CYB5R1: variants seen among roughly 807,000 people sequenced by gnomAD.
CYB5R1 encodes the protein NADH-cytochrome b5 reductase 1.
A neutral mutation model predicts 37.4 loss-of-function variants in CYB5R1; 32 were observed. That is an observed-to-expected ratio of 0.86 (90% CI 0.65 to 1.15). The LOEUF is 1.15. CYB5R1 is among the 50% of genes most tolerant of loss of function. The pLI, the probability that CYB5R1 is intolerant of heterozygous loss-of-function variation, is 0.00. For synonymous variants in CYB5R1, 159 were observed against 155.2 expected (o/e 1.02, Z -0.18); for missense variants, 345 against 382.5 (o/e 0.90, Z 0.82).
In CYB5R1 at chr1:202,965,194, C is replaced by T. The variant is rs1049051991; in HGVS notation, c.475+177G>A. ...ATTCAAGTGGAGGAGGAACTGCTTCCTGTGGCAAATGGGGCTGAGAAACAT... is the reference window on the plus strand; with the variant it reads ...ATTCAAGTGGAGGAGGAACTGCTTCTTGTGGCAAATGGGGCTGAGAAACAT... On this transcript the variant is annotated intron_variant, in intron 5 of 8. Transcript: ENST00000367249. The T allele has an allele frequency of 1.4e-5, 10 of 698,754 alleles. No individual in the cohort carries two copies. The Admixed American group carries it at 2.0e-4, about 14-fold the overall frequency. 43.3% of individuals were successfully genotyped at this position (698,754 alleles called of 1,614,324 possible).
Position 202,964,611 on chromosome 1 carries a change from C to T in CYB5R1, c.559+1G>A. On this transcript the variant is annotated splice_donor_variant, in intron 6 of 8. Coordinates refer to ENST00000367249, the MANE Select transcript of CYB5R1 (RefSeq NM_016243.3). LOFTEE classifies it high-confidence loss of function. ...AGAGAAAGGCCCTCAGTGTAATGCA[C>T]CTGTCCCGCCGGCAATCATTCCCAG... The T allele has an allele frequency of 1.2e-6, 2 of 1,610,576 alleles. No homozygotes were observed. Among genetic ancestry groups the T allele is most frequent in the Non-Finnish European group, 1.7e-6 (2 of 1,177,216 alleles).
intron 6 of CYB5R1, chr1:202,964,238 T>C (rs1262918128): frequency 9.2e-6 from 2 of 217,930 alleles, no homozygotes; most frequent in Non-Finnish European, 1.8e-5. Flanking sequence ...ATGTGTCTAA[T>C]TTTTGTGTCT....
At position 202,967,222 on chromosome 1, in the gene CYB5R1, C is replaced by T; in HGVS notation, c.-17G>A. Reference sequence around the variant, plus strand: ...GATCCCCATGACGGAGCGCCTTTTCCTCCACCACCTGACAAGCCGACAGAT... The same window carrying T: ...GATCCCCATGACGGAGCGCCTTTTCTTCCACCACCTGACAAGCCGACAGAT... On this transcript the variant is annotated 5_prime_UTR_variant, in exon 1 of 9. Coordinates refer to ENST00000367249, the MANE Select transcript of CYB5R1 (RefSeq NM_016243.3). 2 of 1,610,930 alleles carry T rather than the reference C, an allele frequency of 1.2e-6. No individual in the cohort carries two copies.
In CYB5R1 at chr1:202,967,172, T is replaced by C; in HGVS notation, c.15+19A>G. 1 of 1,609,876 alleles carries C rather than the reference T, an allele frequency of 6.2e-7. No individual in the cohort carries two copies. The highest frequency in any genetic ancestry group is 8.5e-7 in the Non-Finnish European group (1 of 1,178,054). Reference sequence around the variant, plus strand: ...TGGGGAGGGGTCCCCCAGTGGAGGATACTGAATGAGGGTCTTACCGTCTGG... The same window carrying C: ...TGGGGAGGGGTCCCCCAGTGGAGGACACTGAATGAGGGTCTTACCGTCTGG... On this transcript the variant is annotated intron_variant, in intron 1 of 8. Transcript: ENST00000367249.
At chr1:202,964,950 T>C (rs1655057576) in intron 5 of CYB5R1, 1 of 525,696 alleles carries the variant, frequency 1.9e-6, no homozygotes, top group Non-Finnish European at 3.4e-6. Context: ...TGTCACTCCC[T>C]GGTGAAGGAG....
At position 202,967,197 on chromosome 1, in the gene CYB5R1, G is replaced by T; in HGVS notation, c.9C>A (p.Ile3=). 1 of 1,611,674 alleles carries T rather than the reference G, an allele frequency of 6.2e-7. No individual in the cohort carries two copies. The highest frequency in any genetic ancestry group is 1.1e-5 in the South Asian group (1 of 90,898). Residue 3 remains isoleucine, a synonymous_variant, in exon 1 of 9, where the codon ATC becomes ATA. Transcript: ENST00000367249. MG[I]QTSPVLLASL... is the part of the protein sequence containing the mutation. ...TACTGAATGAGGGTCTTACCGTCTG[G>T]ATCCCCATGACGGAGCGCCTTTTCC...
chr1:202,963,386 C>T (rs1655031814), intron 7 of CYB5R1: 2 of 593,478 alleles, frequency 3.4e-6, no homozygotes, highest in East Asian at 5.6e-5. Flanking sequence ...AATATTTAAC[C>T]AAGAAGATCT....
At chr1:202,962,832 G>A in intron 8 of CYB5R1, 133 bp from the exon 9 acceptor site, 1 of 1,163,266 alleles carries the variant, frequency 8.6e-7, no homozygotes. Context: ...CTGGGAATGG[G>A]TATACTCAGC....
At chr1:202,966,299 G>T (rs914515543) in intron 3 of CYB5R1, 3 of 608,128 alleles carry the variant, frequency 4.9e-6, no homozygotes, top group Non-Finnish European at 8.7e-6. Flanking sequence ...AGCAAATCCT[G>T]CAGGGAAGAG....
intron 3 of CYB5R1, 122 bp from the exon 4 acceptor site, chr1:202,966,115 A>G (rs1213965549): frequency 9.9e-6 from 7 of 707,796 alleles, no homozygotes; most frequent in South Asian, 3.5e-5. Context: ...AGGAGCTACA[A>G]GGCAGGGAAG....
At position 202,962,537 on chromosome 1, in the gene CYB5R1, AATCGCATCTTTTG is replaced by A; in HGVS notation, c.895_907del (p.Gln299SerfsTer56). On this transcript the variant is annotated frameshift_variant, in exon 9 of 9. Coordinates refer to ENST00000367249, the MANE Select transcript of CYB5R1 (RefSeq NM_016243.3). LOFTEE classifies it high-confidence loss of function. ...GAAGCTGGAGGATGCTCAGTAGGTG[AATCGCATCTTTTG>A]TGAGTAGCCCAGTTTGTCCAAGTTG... The A allele has an allele frequency of 6.2e-7, 1 of 1,609,452 alleles. No homozygotes were observed. The highest frequency in any genetic ancestry group is 8.5e-7 in the Non-Finnish European group (1 of 1,177,404).
Position 202,962,521 on chromosome 1 carries a change from G to A in CYB5R1, c.*6C>T, listed in dbSNP as rs1368503998. The A allele has an allele frequency of 1.9e-6, 3 of 1,599,748 alleles. No homozygotes were observed. The highest frequency in any genetic ancestry group is 2.6e-6 in the Non-Finnish European group (3 of 1,171,304). On this transcript the variant is annotated 3_prime_UTR_variant, in exon 9 of 9. Coordinates refer to ENST00000367249, the MANE Select transcript of CYB5R1 (RefSeq NM_016243.3). ...AGCGAACAGCACCAGGGAAGCTGGAGGATGCTCAGTAGGTGAATCGCATCT... is the reference window on the plus strand; with the variant it reads ...AGCGAACAGCACCAGGGAAGCTGGAAGATGCTCAGTAGGTGAATCGCATCT...
chr1:202,966,072 G>T, intron 3 of CYB5R1, 79 bp from the exon 4 acceptor site: 1 of 961,950 alleles, frequency 1.0e-6, no homozygotes, highest in African/African-American at 1.6e-5. Context: ...AGATTTGAGA[G>T]AACAAGATGT....
chr1:202,965,959 G>T lies in CYB5R1; in HGVS notation c.273C>A (p.Gly91=). 6.2e-7 allele frequency: 1 copy of T among 1,613,988 alleles called. No homozygotes were observed. The stretch of plus-strand genomic sequence containing the variant: ...GAGTGTATGGCCTGATGACCAGGCT[G>T]CCATCAATTCGGGTGGAGAGGTAGA... ...KHIYLSTRID[G]SLVIRPYTPV... Residue 91 remains glycine (G), a synonymous_variant, in exon 4 of 9, where the codon GGC becomes GGA. Transcript: ENST00000367249.
At chr1:202,966,995 G>A in intron 1 of CYB5R1, 97 bp from the exon 2 acceptor site, 1 of 1,481,516 alleles carries the variant, frequency 6.7e-7, no homozygotes, top group South Asian at 1.3e-5. Flanking sequence ...GCTCCAGCGC[G>A]GAGGCATGCC....
In CYB5R1 at chr1:202,965,516, G is replaced by A; in HGVS notation, c.346-16C>T. 6.4e-7 allele frequency: 1 copy of A among 1,561,160 alleles called. No individual in the cohort carries two copies. The highest frequency in any genetic ancestry group is 8.6e-7 in the Non-Finnish European group (1 of 1,159,890). On this transcript the variant is annotated splice_polypyrimidine_tract_variant and intron_variant, in intron 4 of 8. Transcript: ENST00000367249. ...TCAGGTAGACCTTACAAGACAGAGAGAAAAATACCTTATTTGGAATGTCAC... is the reference window on the plus strand; with the variant it reads ...TCAGGTAGACCTTACAAGACAGAGAAAAAAATACCTTATTTGGAATGTCAC...
At chr1:202,963,043 A>C in intron 8 of CYB5R1, 23 bp downstream of exon 8, 1 of 1,583,762 alleles carries the variant, frequency 6.3e-7, no homozygotes, top group Non-Finnish European at 8.7e-7. Flanking sequence ...GGATAGTGGG[A>C]TGTCCAGAAA....
intron 6 of CYB5R1, 132 bp from the exon 7 acceptor site, chr1:202,963,859 A>G (rs76705294): frequency 5.8e-6 from 3 of 519,470 alleles, no homozygotes; most frequent in Non-Finnish European, 1.0e-5. Flanking sequence ...TAGCATTCTC[A>G]TCCTCTAAAC....
rs1655104111 is a variant in CYB5R1, at chr1:202,966,771, A to G, written c.143T>C (p.Leu48Pro). The change falls in exon 2 of 9, where the codon CTG becomes CCG. Residue 48 changes from leucine (L) to proline (P), a missense_variant. Leu to Pro is a moderately conservative substitution (Grantham distance 98, BLOSUM62 -3). Coordinates refer to ENST00000367249, the MANE Select transcript of CYB5R1 (RefSeq NM_016243.3). Reference sequence around the variant, plus strand: ...TACCGTCTTGTCTAGCAGTCGTAGCAGGTACTTTTCATTGGGGTCCAGGAG... The same window carrying G: ...TACCGTCTTGTCTAGCAGTCGTAGCGGGTACTTTTCATTGGGGTCCAGGAG... ...VTLLDPNEKY[L>P]LRLLDKTTVS... The G allele has an allele frequency of 6.2e-7, 1 of 1,614,134 alleles. No homozygotes were observed. The highest frequency in any genetic ancestry group is 8.5e-7 in the Non-Finnish European group (1 of 1,179,992).
Sources: allele counts gnomAD v4.1 joint callset, GRCh38; gene constraint gnomAD v4.1.1; transcripts MANE v1.5; gene names NCBI Gene and HGNC (gene_info 2026-07-23, HGNC 2026-07-21).